NCKAP5: variants seen among roughly 807,000 people sequenced by gnomAD.
NCKAP5 encodes NCK associated protein 5, also known as nck-associated protein 5.
In NCKAP5, 92 loss-of-function variants were observed where a neutral mutation model predicts 167.0. The ratio of observed to expected loss-of-function variants is 0.55; its 90% CI spans 0.47 to 0.66. The LOEUF (loss-of-function observed/expected upper bound fraction) is 0.66, where lower values mean the gene tolerates loss of function less well. NCKAP5 is among the 30% of genes least tolerant of loss of function. The pLI, the probability that NCKAP5 is intolerant of heterozygous loss-of-function variation, is 0.00. For missense variants in NCKAP5, 2,378 were observed against 2,315.0 expected (o/e 1.03, Z -0.56); for synonymous variants, 891 against 877.4 (o/e 1.02, Z -0.27).
intron 6 of NCKAP5, among the ~76,000 whole-genome samples, chr2:133,044,181 G>T (rs1219974700): frequency 6.6e-6 from 1 of 152,108 alleles, no homozygotes; most frequent in Non-Finnish European, 1.5e-5. Flanking sequence ...TGAATCTAAG[G>T]TTGTAAATAT....
chr2:132,680,073 A>G (rs1685011087), intron 19 of NCKAP5, among the ~76,000 whole-genome samples: 1 of 152,132 alleles, frequency 6.6e-6, no homozygotes, highest in Non-Finnish European at 1.5e-5. Flanking sequence ...GGTGATCACT[A>G]GAGACCCCTC....
chr2:133,186,665 C>G (rs1327156300), intron 5 of NCKAP5, among the ~76,000 whole-genome samples: 1 of 151,920 alleles, frequency 6.6e-6, no homozygotes, highest in East Asian at 1.9e-4. Context: ...CACTTTTTTC[C>G]TGGTTCAATC....
At chr2:133,450,260 T>C (rs1225494934) in intron 3 of NCKAP5, among the ~76,000 whole-genome samples, 2 of 152,202 alleles carry the variant, frequency 1.3e-5, no homozygotes, top group Non-Finnish European at 2.9e-5. Flanking sequence ...CCTCAGGTAA[T>C]GTCAACTTGA....
chr2:132,819,987 G>T (rs1686583155), intron 11 of NCKAP5, among the ~76,000 whole-genome samples: 1 of 152,026 alleles, frequency 6.6e-6, no homozygotes, highest in Admixed American at 6.6e-5. Context: ...TAGTTTCAAG[G>T]CTTTTATAAA....
chr2:132,882,664 C>T (rs1046958065), intron 8 of NCKAP5, among the ~76,000 whole-genome samples: 6 of 152,114 alleles, frequency 3.9e-5, no homozygotes, highest in African/African-American at 1.4e-4. Flanking sequence ...AAATTCGGTT[C>T]AGTTCATTTG....
intron 6 of NCKAP5, among the ~76,000 whole-genome samples, chr2:133,017,279 T>A (rs1363188652): frequency 6.6e-6 from 1 of 152,256 alleles, no homozygotes; most frequent in Non-Finnish European, 1.5e-5. Flanking sequence ...TCGAGGCATT[T>A]ATGCATTCTT....
chr2:133,667,716 G>T, the NCKAP5 span, among the ~76,000 whole-genome samples: 135 of 152,104 alleles, frequency 8.9e-4, no homozygotes, highest in Middle Eastern at 6.8e-3. Flanking sequence ...AATTGGTAAG[G>T]TTGACTGAAC....
intron 5 of NCKAP5, among the ~76,000 whole-genome samples, chr2:133,141,074 TTCTC>T (rs1473363049): frequency 6.6e-6 from 1 of 152,056 alleles, no homozygotes; most frequent in Non-Finnish European, 1.5e-5. Context: ...TTTATAAAGT[TTCTC>T]TCGGTAACAA....
chr2:133,325,200 T>C (rs191691907), intron 3 of NCKAP5, among the ~76,000 whole-genome samples: 1 of 152,146 alleles, frequency 6.6e-6, no homozygotes. Flanking sequence ...TTTACCATGT[T>C]AAGCCACTTT....
intron 8 of NCKAP5, among the ~76,000 whole-genome samples, chr2:132,906,936 T>C (rs184500153): frequency 6.6e-6 from 1 of 152,334 alleles, no homozygotes; most frequent in Admixed American, 6.5e-5. Flanking sequence ...ATTTTCTTTC[T>C]TGACACGTTT....
chr2:133,501,727 G>T lies in NCKAP5; in HGVS notation c.69+15731C>A, dbSNP rs74352100. On this transcript the variant is annotated intron_variant, in intron 3 of 19. Transcript: ENST00000409261. ...TCGTTCTTCTGTTCGGATCTAACTA[G>T]TTAATATTAACAAGAGCTAAGCTAT... is the stretch of plus-strand genomic sequence containing the variant. Among the ~76,000 whole-genome samples, 18 of 152,326 alleles carry T rather than the reference G, an allele frequency of 1.2e-4. No individual in the cohort carries two copies. In the East Asian group the frequency reaches 3.5e-3, roughly 29 times the overall value.
At chr2:133,210,484 T>C (rs1209505224) in intron 5 of NCKAP5, among the ~76,000 whole-genome samples, 3 of 152,200 alleles carry the variant, frequency 2.0e-5, no homozygotes, top group African/African-American at 7.2e-5. Flanking sequence ...CAGTAGTCTC[T>C]AAATACACAT....
At chr2:132,718,877 C>A (rs563366418) in intron 19 of NCKAP5, among the ~76,000 whole-genome samples, 1 of 152,244 alleles carries the variant, frequency 6.6e-6, no homozygotes, top group South Asian at 2.1e-4. Context: ...AATGTGCAAA[C>A]AAACAGGTAA....
In NCKAP5 at chr2:132,851,926, G is replaced by GGTTACTTAATCTTTTC. The variant is rs530685523; in HGVS notation, c.807+8550_807+8565dup. On this transcript the variant is annotated intron_variant, in intron 11 of 19. Transcript: ENST00000409261. The stretch of plus-strand genomic sequence containing the variant: ...CACTAGTCTTTCATGTCAGAGTTTA[G>GGTTACTTAATCTTTTC]GTTACTTAATCTTTTCGTGCCGGGA... 3.1e-4 allele frequency among the ~76,000 whole-genome samples: 47 copies of GGTTACTTAATCTTTTC among 152,270 alleles called. No individual in the cohort carries two copies. The South Asian group carries it at 5.0e-3, about 16-fold the overall frequency.
intron 5 of NCKAP5, among the ~76,000 whole-genome samples, chr2:133,144,767 G>C (rs1391280776): frequency 6.6e-6 from 1 of 152,078 alleles, no homozygotes; most frequent in Non-Finnish European, 1.5e-5. Flanking sequence ...CTTTGGTGTT[G>C]AACCATTAGC....
intron 4 of NCKAP5, among the ~76,000 whole-genome samples, chr2:133,256,189 A>G: frequency 6.6e-6 from 1 of 152,262 alleles, no homozygotes; most frequent in East Asian, 1.9e-4. Flanking sequence ...AATATGTACA[A>G]TAATTGTATG....
chr2:133,058,937 TTCAGCAACCACCAACCTGATCAA>T, intron 6 of NCKAP5, among the ~76,000 whole-genome samples: 1 of 152,322 alleles, frequency 6.6e-6, no homozygotes, highest in East Asian at 1.9e-4. Flanking sequence ...TTGCTCAAGT[TTCAGCAACCACCAACCTGATCAA>T]TCAGCAGCCA....
At chr2:133,567,216 G>A (rs1688613824) in intron 1 of NCKAP5, among the ~76,000 whole-genome samples, 1 of 152,216 alleles carries the variant, frequency 6.6e-6, no homozygotes, top group African/African-American at 2.4e-5. Flanking sequence ...GGTTGCAAGA[G>A]GCTGAACTGC....
chr2:133,427,076 A>G (rs993610122), intron 3 of NCKAP5, among the ~76,000 whole-genome samples: 16 of 152,326 alleles, frequency 1.1e-4, no homozygotes, highest in African/African-American at 3.8e-4. Flanking sequence ...CTCAGGGAAG[A>G]TATTCTAGCA....
Sources: allele counts gnomAD v4.1 joint callset (sites outside exome capture counted in the v4.1 genomes callset), GRCh38; gene constraint gnomAD v4.1.1; transcripts MANE v1.5; gene names NCBI Gene and HGNC (gene_info 2026-07-23, HGNC 2026-07-21).